Variants in MKLN1 observed in about 807,000 individuals in gnomAD.
The protein encoded by MKLN1 is muskelin.
Under a neutral mutation model 99.0 loss-of-function variants are expected in MKLN1, and 18 were observed. The ratio of observed to expected loss-of-function variants is 0.18; its 90% confidence interval spans 0.13 to 0.27. The LOEUF is 0.27. Among genes scored for constraint, MKLN1 ranks in the 10% least tolerant of loss-of-function variants. The pLI, the probability that MKLN1 is intolerant of heterozygous loss-of-function variation, is 1.00. For synonymous variants in MKLN1, 288 were observed against 293.2 expected, an observed-to-expected ratio of 0.98 and a Z score of 0.18; for missense variants, 621 against 875.9, an observed-to-expected ratio of 0.71 and a Z score of 3.67.
intron 2 of MKLN1, among the ~76,000 whole-genome samples, chr7:131,178,367 C>T (rs1337494017): frequency 7.0e-6 from 1 of 143,360 alleles, no homozygotes; most frequent in Non-Finnish European, 1.5e-5. Flanking sequence ...GAACTCCTGA[C>T]CTCAGGTGAT....
chr7:131,207,197 A>T (rs1173059398), intron 3 of MKLN1, among the ~76,000 whole-genome samples: 2 of 151,940 alleles, frequency 1.3e-5, no homozygotes, highest in African/African-American at 4.8e-5. Flanking sequence ...TGTGTTATTT[A>T]TTTTTATTTA....
chr7:131,248,177 C>T (rs1364121681), intron 3 of MKLN1, among the ~76,000 whole-genome samples: 2 of 151,974 alleles, frequency 1.3e-5, no homozygotes, highest in African/African-American at 2.4e-5. Flanking sequence ...CTGCCTCCCT[C>T]GGCCTCCCAA....
At chr7:131,416,357 C>G (rs1044089055) in intron 8 of MKLN1, among the ~76,000 whole-genome samples, 4 of 152,054 alleles carry the variant, frequency 2.6e-5, no homozygotes, top group Non-Finnish European at 5.9e-5. Context: ...AAATTTTCCT[C>G]TTTTTATAAT....
intron 1 of MKLN1, among the ~76,000 whole-genome samples, chr7:131,373,088 T>A (rs1321174417): frequency 6.6e-6 from 1 of 152,060 alleles, no homozygotes; most frequent in Non-Finnish European, 1.5e-5. Flanking sequence ...ATGTACATAT[T>A]TGAAATATTT....
At chr7:131,373,197 G>A (rs1003576901) in intron 1 of MKLN1, among the ~76,000 whole-genome samples, 1 of 152,128 alleles carries the variant, frequency 6.6e-6, no homozygotes, top group East Asian at 1.9e-4. Context: ...GCCAACAACT[G>A]CTGTTATAAT....
At chr7:131,456,040 T>A (rs1039646082) in intron 12 of MKLN1, among the ~76,000 whole-genome samples, 7 of 15,488 alleles carry the variant, frequency 4.5e-4, no homozygotes, top group Middle Eastern at 0.029. Context: ...AGTGAGACTC[T>A]GTCTCCAAAC....
At chr7:131,407,134 T>C (rs1794731621) in intron 6 of MKLN1, among the ~76,000 whole-genome samples, 1 of 152,086 alleles carries the variant, frequency 6.6e-6, no homozygotes, top group Admixed American at 6.6e-5. Flanking sequence ...TAGTGTCTCT[T>C]TCTTACACTT....
chr7:131,375,639 T>C, intron 2 of MKLN1, 146 bp downstream of exon 2: 1 of 527,372 alleles, frequency 1.9e-6, no homozygotes, highest in Non-Finnish European at 3.3e-6. Flanking sequence ...TTTTTGCTTG[T>C]TTATTAAATT....
At chr7:131,357,900 T>C (rs1799928611) in intron 1 of MKLN1, among the ~76,000 whole-genome samples, 1 of 152,218 alleles carries the variant, frequency 6.6e-6, no homozygotes, top group Non-Finnish European at 1.5e-5. Context: ...TTTGTTTCTT[T>C]TAGTCCCTCT....
At chr7:131,203,440 T>C (rs565425105) in intron 3 of MKLN1, among the ~76,000 whole-genome samples, 12 of 152,172 alleles carry the variant, frequency 7.9e-5, no homozygotes, top group African/African-American at 2.9e-4. Flanking sequence ...CTGTGGGCAA[T>C]TGGGGAAAAC....
At chr7:131,161,012 C>T (rs1796040386) in intron 2 of MKLN1, among the ~76,000 whole-genome samples, 1 of 152,122 alleles carries the variant, frequency 6.6e-6, no homozygotes, top group African/African-American at 2.4e-5. Flanking sequence ...GTCATTGACA[C>T]TCCATGTGTG....
At chr7:131,438,763 C>T (rs1218918713) in intron 10 of MKLN1, among the ~76,000 whole-genome samples, 1 of 151,708 alleles carries the variant, frequency 6.6e-6, no homozygotes, top group Non-Finnish European at 1.5e-5. Flanking sequence ...CTTCAAAAAT[C>T]TATAACTCTG....
At chr7:131,238,408 T>A (rs1797355988) in intron 3 of MKLN1, among the ~76,000 whole-genome samples, 1 of 152,234 alleles carries the variant, frequency 6.6e-6, no homozygotes, top group Non-Finnish European at 1.5e-5. Flanking sequence ...ATACCAGTCT[T>A]GCTAGACACT....
intron 2 of MKLN1, among the ~76,000 whole-genome samples, chr7:131,166,872 G>C (rs1207300395): frequency 6.6e-6 from 1 of 152,044 alleles, no homozygotes; most frequent in Non-Finnish European, 1.5e-5. Context: ...TTTTAGTAGA[G>C]ACAGGATGGG....
At chr7:131,323,715 T>C (rs1019117688), upstream of MKLN1, 1 of 152,158 alleles carries the variant, frequency 6.6e-6, no homozygotes, top group African/African-American at 2.4e-5. Flanking sequence ...GCCAGGAATG[T>C]GTTTAGGATC....
chr7:131,348,920 A>C (rs1799637721), intron 1 of MKLN1, among the ~76,000 whole-genome samples: 1 of 152,108 alleles, frequency 6.6e-6, no homozygotes, highest in African/African-American at 2.4e-5. Flanking sequence ...TAATTTCTCT[A>C]GCCTTTTATT....
chr7:131,493,390 G>T lies in MKLN1; in HGVS notation c.*5662G>T, dbSNP rs144697549. 2 of 152,068 alleles carry T rather than the reference G, an allele frequency of 1.3e-5. No homozygotes were observed. Among genetic ancestry groups the T allele is most frequent in the African/African-American group, 4.8e-5 (2 of 41,406 alleles). 9.4% of individuals were successfully genotyped at this position (152,068 alleles called of 1,614,324 possible). ...AGCTTTTTGCTTATGGATTTTAGAG[G>T]TCCACAAATCGAAAGGAAAAATAAA... is the stretch of plus-strand genomic sequence containing the variant. On this transcript the variant is annotated 3_prime_UTR_variant, in exon 18 of 18. Coordinates refer to ENST00000352689, the MANE Select transcript of MKLN1 (RefSeq NM_013255.5).
intron 2 of MKLN1, among the ~76,000 whole-genome samples, chr7:131,375,987 A>G (rs1011627252): frequency 1.3e-5 from 2 of 149,974 alleles, no homozygotes; most frequent in Non-Finnish European, 3.0e-5. Flanking sequence ...TTTATAATGT[A>G]TTAGGCACAC....
rs1335139250 is a variant in MKLN1 at position 131,490,669 on chromosome 7, T to G, written c.*2941T>G. The stretch of plus-strand genomic sequence containing the variant: ...CTGTCCATGTCTAATAAGTAAAAAC[T>G]GATAGAATACATTAAAAAGTCACTG... On this transcript the variant is annotated 3_prime_UTR_variant, in exon 18 of 18. Coordinates refer to ENST00000352689, the MANE Select transcript of MKLN1 (RefSeq NM_013255.5). 5 of 152,618 alleles carry G rather than the reference T, an allele frequency of 3.3e-5. No homozygotes were observed. The highest frequency in any genetic ancestry group is 1.2e-4 in the African/African-American group (5 of 41,454). 9.5% of individuals were successfully genotyped at this position (152,618 alleles called of 1,614,324 possible).
Sources: gnomAD v4.1 joint callset for allele counts (sites outside exome capture counted in the v4.1 genomes callset) on GRCh38, gnomAD v4.1.1 for gene constraint, MANE v1.5 for transcripts, NCBI Gene and HGNC (gene_info 2026-07-23, HGNC 2026-07-21) for gene names.